DIAPH3: variants seen among roughly 807,000 people sequenced by gnomAD.
DIAPH3 encodes the protein protein diaphanous homolog 3.
A neutral mutation model predicts 144.3 loss-of-function variants in DIAPH3; 117 were observed. That is an observed-to-expected ratio of 0.81 (90% CI 0.70 to 0.95). The LOEUF (loss-of-function observed/expected upper bound fraction) is 0.95. DIAPH3 is among the 40% of genes least tolerant of loss of function. The pLI is 0.00. For missense variants in DIAPH3, 1,421 were observed against 1,412.7 expected (o/e 1.01, Z -0.09); for synonymous variants, 519 against 488.9 (o/e 1.06, Z -0.81).
chr13:59,787,549 C>A, intron 25 of DIAPH3, among the ~76,000 whole-genome samples: 1 of 151,834 alleles, frequency 6.6e-6, no homozygotes, highest in East Asian at 1.9e-4. Context: ...GACTTTGTTT[C>A]TATTAAAAAT....
intron 27 of DIAPH3, among the ~76,000 whole-genome samples, chr13:59,668,209 A>G (rs765401315): frequency 7.2e-5 from 11 of 152,236 alleles, no homozygotes; most frequent in South Asian, 2.1e-4. Flanking sequence ...TGCCGGAAAG[A>G]GCACGGTAGA....
intron 9 of DIAPH3, among the ~76,000 whole-genome samples, chr13:60,004,097 A>G (rs1472761472): frequency 6.6e-6 from 1 of 152,232 alleles, no homozygotes; most frequent in African/African-American, 2.4e-5. Context: ...CAGTAAAAGA[A>G]TAATGAAGAA....
chr13:60,050,252 G>T (rs757292535), intron 4 of DIAPH3, among the ~76,000 whole-genome samples: 2 of 152,144 alleles, frequency 1.3e-5, no homozygotes, highest in Non-Finnish European at 2.9e-5. Flanking sequence ...AGAATGAAGA[G>T]GAGAGGACAT....
At chr13:59,825,359 T>C (rs1201067718) in intron 24 of DIAPH3, among the ~76,000 whole-genome samples, 3 of 151,996 alleles carry the variant, frequency 2.0e-5, no homozygotes, top group East Asian at 1.9e-4. Flanking sequence ...CTACAAAGGA[T>C]ATGAACTCAT....
At chr13:60,034,817 A>C (rs1566689158) in intron 5 of DIAPH3, 1 of 152,196 alleles carries the variant, frequency 6.6e-6, no homozygotes. Flanking sequence ...AGTATCAGTA[A>C]TATAGGGTAC....
chr13:59,768,556 G>A (rs1219837248), intron 27 of DIAPH3, among the ~76,000 whole-genome samples: 3 of 152,044 alleles, frequency 2.0e-5, no homozygotes. Flanking sequence ...AAGAAACAAG[G>A]TGTCCCAAGA....
intron 25 of DIAPH3, among the ~76,000 whole-genome samples, chr13:59,795,701 C>T (rs139203085): frequency 0.043 from 6,488 of 152,138 alleles, 235 homozygotes; most frequent in South Asian, 0.11. Flanking sequence ...GATCCACCTG[C>T]CTCAGCCTCC....
At chr13:59,717,822 A>G (rs1166401792) in intron 27 of DIAPH3, among the ~76,000 whole-genome samples, 1 of 152,070 alleles carries the variant, frequency 6.6e-6, no homozygotes. Context: ...CAAAAAAACC[A>G]CAAGCCAAAC....
intron 1 of DIAPH3, among the ~76,000 whole-genome samples, chr13:60,139,027 A>G (rs2059368242): frequency 6.6e-6 from 1 of 152,198 alleles, no homozygotes; most frequent in South Asian, 2.1e-4. Flanking sequence ...ACCTGTGTTT[A>G]TCTTAACGTC....
chr13:59,911,850 C>T lies in DIAPH3; in HGVS notation c.2266-14G>A, dbSNP rs373888108. 20 of 1,558,416 alleles carry T rather than the reference C, an allele frequency of 1.3e-5. No individual in the cohort carries two copies. The highest frequency in any genetic ancestry group is 1.8e-5 in the Non-Finnish European group (20 of 1,130,116). ...CTTTATTAAGTTCTAAAAATTAAAA[C>T]CAGAAAGAAAGATCTTCACTAAATG... On this transcript the variant is annotated splice_polypyrimidine_tract_variant and intron_variant, in intron 19 of 27. Transcript: ENST00000400324.
chr13:60,150,750 G>A (rs903375653), intron 1 of DIAPH3, among the ~76,000 whole-genome samples: 1 of 152,164 alleles, frequency 6.6e-6, no homozygotes, highest in Non-Finnish European at 1.5e-5. Context: ...CTGCCAGGTT[G>A]CTCCAGGCTT....
intron 20 of DIAPH3, among the ~76,000 whole-genome samples, chr13:59,889,446 A>G (rs1032609890): frequency 6.6e-6 from 1 of 152,038 alleles, no homozygotes; most frequent in Non-Finnish European, 1.5e-5. Flanking sequence ...TAATTTCTAT[A>G]TAGCAATTTT....
intron 27 of DIAPH3, among the ~76,000 whole-genome samples, chr13:59,767,711 G>A (rs748339620): frequency 1.3e-5 from 2 of 152,028 alleles, no homozygotes; most frequent in African/African-American, 2.4e-5. Context: ...ACCATTTCAG[G>A]GAAGTCAAGG....
At chr13:60,009,355 G>A (rs779962784) in intron 8 of DIAPH3, among the ~76,000 whole-genome samples, 14 of 151,906 alleles carry the variant, frequency 9.2e-5, no homozygotes, top group Non-Finnish European at 1.3e-4. Flanking sequence ...AAGAAACAAG[G>A]AAAAGGGAAG....
intron 14 of DIAPH3, among the ~76,000 whole-genome samples, chr13:59,975,094 A>G (rs1330427805): frequency 6.6e-6 from 1 of 151,892 alleles, no homozygotes; most frequent in Non-Finnish European, 1.5e-5. Context: ...TTATATATCC[A>G]CTCATCACCA....
intron 4 of DIAPH3, among the ~76,000 whole-genome samples, chr13:60,074,407 C>A (rs1417268502): frequency 1.3e-5 from 2 of 152,312 alleles, no homozygotes. Flanking sequence ...GTTTACATCT[C>A]ACCACTCCAG....
intron 22 of DIAPH3, among the ~76,000 whole-genome samples, chr13:59,842,198 A>G (rs1040718428): frequency 6.6e-6 from 1 of 151,950 alleles, no homozygotes; most frequent in African/African-American, 2.4e-5. Context: ...TTATATATAT[A>G]TAACTTTTTA....
intron 9 of DIAPH3, among the ~76,000 whole-genome samples, chr13:60,000,908 C>T (rs1346234039): frequency 6.6e-6 from 1 of 151,998 alleles, no homozygotes; most frequent in Admixed American, 6.6e-5. Flanking sequence ...AAGATAAAAC[C>T]AATGTATAGG....
chr13:59,879,949 T>C (rs181127594), intron 20 of DIAPH3, among the ~76,000 whole-genome samples: 71 of 152,264 alleles, frequency 4.7e-4, no homozygotes, highest in African/African-American at 1.6e-3. Context: ...ATGTGTTAGA[T>C]AGAGGGAGAG....
Sources: gnomAD v4.1 joint callset for allele counts (sites outside exome capture counted in the v4.1 genomes callset) on GRCh38, gnomAD v4.1.1 for gene constraint, MANE v1.5 for transcripts, NCBI Gene and HGNC (gene_info 2026-07-23, HGNC 2026-07-21) for gene names.